Variants in ZGPAT observed in about 807,000 individuals in gnomAD.
ZGPAT encodes the protein zinc finger CCCH-type and G-patch domain containing, also known as zinc finger CCCH-type with G patch domain-containing protein.
A neutral mutation model predicts 47.9 loss-of-function variants in ZGPAT; 39 were observed. That is an observed-to-expected ratio of 0.81 (90% CI 0.63 to 1.06). ZGPAT has a LOEUF of 1.06. Among genes scored for constraint, ZGPAT ranks in the 50% least tolerant of loss-of-function variants. The pLI is 0.00. For synonymous variants in ZGPAT, 348 were observed against 292.9 expected, an observed-to-expected ratio of 1.19 and a Z score of -1.92; for missense variants, 717 against 681.4, an observed-to-expected ratio of 1.05 and a Z score of -0.58.
At chr20:63,732,824 G>T (rs768473781) in intron 2 of ZGPAT, among the ~76,000 whole-genome samples, 1 of 151,944 alleles carries the variant, frequency 6.6e-6, no homozygotes, top group Admixed American at 6.6e-5. Flanking sequence ...ATGTGTACTT[G>T]TGTGTGCCTG....
chr20:63,732,738 GTA>G (rs556117943), intron 2 of ZGPAT, among the ~76,000 whole-genome samples: 198 of 151,780 alleles, frequency 1.3e-3, no homozygotes, highest in African/African-American at 3.5e-3. Context: ...GTGTATGTCT[GTA>G]TATGTGTGTG....
intron 5 of ZGPAT, 92 bp downstream of exon 5, chr20:63,734,916 G>T: frequency 6.9e-7 from 1 of 1,442,342 alleles, no homozygotes; most frequent in Non-Finnish European, 9.2e-7. Flanking sequence ...CGCAGCCATC[G>T]GGTTCCCAGG....
intron 2 of ZGPAT, among the ~76,000 whole-genome samples, chr20:63,732,994 G>T (rs537870228): frequency 1.3e-5 from 2 of 151,436 alleles, no homozygotes; most frequent in Admixed American, 6.6e-5. Flanking sequence ...CTGTATGTGC[G>T]TGTGTATATG....
At chr20:63,732,795 T>C (rs1018764398) in intron 2 of ZGPAT, among the ~76,000 whole-genome samples, 1 of 147,938 alleles carries the variant, frequency 6.8e-6, no homozygotes, top group Non-Finnish European at 1.5e-5. Flanking sequence ...TGCATGTGAG[T>C]GCATGTTTAT....
intron 2 of ZGPAT, among the ~76,000 whole-genome samples, chr20:63,721,925 A>AT (rs1465107049): frequency 1.3e-5 from 2 of 151,406 alleles, no homozygotes; most frequent in Non-Finnish European, 1.5e-5. Context: ...AAGCAGGAGA[A>AT]TTGCTTGAGC....
At chr20:63,732,674 CTG>C (rs1378490434) in intron 2 of ZGPAT, among the ~76,000 whole-genome samples, 13 of 66,982 alleles carry the variant, frequency 1.9e-4, no homozygotes, top group Non-Finnish European at 3.0e-4. Flanking sequence ...GTGTATATGC[CTG>C]TGTGCATGTG....
intron 4 of ZGPAT, 114 bp downstream of exon 4, chr20:63,733,853 G>A (rs1210212617): frequency 8.5e-6 from 12 of 1,413,152 alleles, no homozygotes; most frequent in African/African-American, 4.3e-5. Flanking sequence ...GTGTGACTGC[G>A]GCGAGGGTGC....
chr20:63,732,619 G>A (rs112980646), intron 2 of ZGPAT, among the ~76,000 whole-genome samples: 6 of 143,248 alleles, frequency 4.2e-5, no homozygotes. Context: ...GGGTCTCTGT[G>A]TATGTGTATG....
At chr20:63,725,367 G>T (rs551260014) in intron 2 of ZGPAT, among the ~76,000 whole-genome samples, 3 of 152,326 alleles carry the variant, frequency 2.0e-5, no homozygotes, top group Admixed American at 6.5e-5. Flanking sequence ...TTTTTTGAAG[G>T]ATAGTTTAGC....
chr20:63,734,329 C>A lies in ZGPAT; in HGVS notation c.872-376C>A, dbSNP rs1568802544. The A allele has an allele frequency of 4.2e-5, 14 of 336,042 alleles. 1 individual carries two copies. The South Asian group carries it at 7.1e-4, about 17-fold the overall frequency. 20.8% of individuals were successfully genotyped at this position (336,042 alleles called of 1,614,324 possible). A position where few individuals can be genotyped will look rare whatever the true frequency, so the allele number is the denominator to read the frequency against. On this transcript the variant is annotated intron_variant, in intron 4 of 6. Coordinates refer to ENST00000355969, the MANE Select transcript of ZGPAT (RefSeq NM_181485.3). ...TCAGTGATGGTGGTTTCTGAAGCCC[C>A]ATGTCCCTGGTGAAGGAGGACTGAA...
chr20:63,722,423 T>C (rs2750484), intron 2 of ZGPAT, among the ~76,000 whole-genome samples: 2,204 of 151,296 alleles, frequency 0.015, 24 homozygotes, highest in Non-Finnish European at 0.023. Flanking sequence ...AAAAAGTTTA[T>C]TGTGACAGTT....
chr20:63,720,936 T>A (rs760431440), intron 2 of ZGPAT, among the ~76,000 whole-genome samples: 1 of 152,246 alleles, frequency 6.6e-6, no homozygotes, highest in Non-Finnish European at 1.5e-5. Context: ...CTCGTTTGTT[T>A]AGTTACTTTC....
At chr20:63,732,810 GTGTA>G (rs984847539) in intron 2 of ZGPAT, among the ~76,000 whole-genome samples, 14 of 144,046 alleles carry the variant, frequency 9.7e-5, no homozygotes, top group East Asian at 6.3e-4. Context: ...GTTTATGCGT[GTGTA>G]TGTGTACTTG....
chr20:63,734,385 T>A (rs961799293), intron 4 of ZGPAT: 8 of 430,384 alleles, frequency 1.9e-5, no homozygotes, highest in African/African-American at 1.6e-4. Context: ...GGTGAGGCGC[T>A]CACAGCCTCG....
chr20:63,713,872 A>C (rs1197367507), intron 2 of ZGPAT, among the ~76,000 whole-genome samples: 5 of 135,972 alleles, frequency 3.7e-5, no homozygotes, highest in African/African-American at 1.4e-4. Flanking sequence ...ACTTCATCTC[A>C]AAAAAAAAAA....
rs562139728 is a variant in ZGPAT, at chr20:63,710,796, A to C, written c.584+1632A>C. Among the ~76,000 whole-genome samples, 3 of 152,356 alleles carry C rather than the reference A, an allele frequency of 2.0e-5. No individual in the cohort carries two copies. In the South Asian group the frequency reaches 6.2e-4, roughly 32 times the overall value. On this transcript the variant is annotated intron_variant, in intron 2 of 6. Coordinates refer to ENST00000355969, the MANE Select transcript of ZGPAT (RefSeq NM_181485.3). ...GACAAAAAAGAGTAACTTCTGTGTC[A>C]TAATAGGTAACACATTTAATGGTAA...
Position 63,735,496 on chromosome 20 carries a change from G to T in ZGPAT, c.1329G>T (p.Glu443Asp). The T allele has an allele frequency of 6.5e-7, 1 of 1,537,412 alleles. No homozygotes were observed. Among genetic ancestry groups the T allele is most frequent in the Non-Finnish European group, 8.7e-7 (1 of 1,147,312 alleles). ...RALSLRLFQT[E>D]EKIERTQRDI... ...TGAGCCTGCGGCTCTTCCAGACTGA[G>T]GAGAAGATCGAGCGAACCCAGCGGG... Residue 443 changes from glutamate (E) to aspartate (D), a missense_variant, in exon 6 of 7, where the codon GAG becomes GAT. Glu to Asp is a conservative substitution (Grantham distance 45). Coordinates refer to ENST00000355969, the MANE Select transcript of ZGPAT (RefSeq NM_181485.3).
At position 63,708,828 on chromosome 20, in the gene ZGPAT, G is replaced by T; in HGVS notation, c.248G>T (p.Arg83Leu). 1.2e-6 allele frequency: 2 copies of T among 1,605,040 alleles called. No homozygotes were observed. The highest frequency in any genetic ancestry group is 1.7e-6 in the Non-Finnish European group (2 of 1,174,510). The change falls in exon 2 of 7, where the codon CGG becomes CTG. Residue 83 changes from arginine to leucine, a missense_variant. Physicochemically the swap from Arg to Leu is moderately radical, Grantham distance 102 (BLOSUM62 -2). Coordinates refer to ENST00000355969, the MANE Select transcript of ZGPAT (RefSeq NM_181485.3). ...GAAGATGCTGAGTACCAGGCTTTCC[G>T]GGAGGCCATCACTGAGGCGGTGGAG... The part of the protein sequence containing the change: ...RQEDAEYQAF[R>L]EAITEAVEAP...
At chr20:63,721,761 A>G (rs543304514) in intron 2 of ZGPAT, among the ~76,000 whole-genome samples, 7 of 152,234 alleles carry the variant, frequency 4.6e-5, no homozygotes, top group African/African-American at 1.7e-4. Context: ...CATACCTGTT[A>G]TCCCAGCACT....
Sources: allele counts gnomAD v4.1 joint callset (sites outside exome capture counted in the v4.1 genomes callset), GRCh38; gene constraint gnomAD v4.1.1; transcripts MANE v1.5; gene names NCBI Gene and HGNC (gene_info 2026-07-23, HGNC 2026-07-21).